STYXL1: variants seen among roughly 807,000 people sequenced by gnomAD.
STYXL1 encodes the protein serine/threonine/tyrosine-interacting-like protein 1.
In STYXL1, 32 loss-of-function variants were observed where a neutral mutation model predicts 36.4. The observed-to-expected ratio is 0.88, with a 90% CI of 0.66 to 1.18. The LOEUF (loss-of-function observed/expected upper bound fraction) is 1.18. Among genes scored for constraint, STYXL1 ranks in the 50% most tolerant of loss-of-function variants. The pLI is 0.00. For missense variants in STYXL1, 354 were observed against 394.1 expected (o/e 0.90, Z 0.86); for synonymous variants, 133 against 144.1 (o/e 0.92, Z 0.55).
chr7:76,024,037 TA>T (rs1478814340), intron 3 of STYXL1, among the ~76,000 whole-genome samples: 1 of 151,846 alleles, frequency 6.6e-6, no homozygotes, highest in African/African-American at 2.4e-5. Flanking sequence ...CACCACCACT[TA>T]AAAAGAAGGC....
chr7:75,999,627 T>G (rs1169130595), intron 8 of STYXL1, among the ~76,000 whole-genome samples: 4 of 151,670 alleles, frequency 2.6e-5, no homozygotes, highest in African/African-American at 7.3e-5. Flanking sequence ...AGCTCACTGC[T>G]GCCTCTGCCT....
intron 5 of STYXL1, among the ~76,000 whole-genome samples, chr7:76,008,739 C>T (rs1458322619): frequency 6.6e-6 from 1 of 152,198 alleles, no homozygotes; most frequent in African/African-American, 2.4e-5. Flanking sequence ...GGCATGGTGG[C>T]TGATGCTTGT....
At chr7:76,018,634 T>TCC (rs1371345286) in intron 4 of STYXL1, among the ~76,000 whole-genome samples, 11 of 152,260 alleles carry the variant, frequency 7.2e-5, no homozygotes, top group African/African-American at 2.4e-4. Context: ...CAGGTGATCC[T>TCC]CCCGCCTTGG....
At chr7:76,042,390 CTTTTTTTTTTTT>C (rs528469396) in intron 1 of STYXL1, among the ~76,000 whole-genome samples, 22 of 41,836 alleles carry the variant, frequency 5.3e-4, no homozygotes, top group East Asian at 2.7e-3. Context: ...CCCTTATGTG[CTTTTTTTTTTTT>C]TTTTTTTTTT....
intron 5 of STYXL1, among the ~76,000 whole-genome samples, chr7:76,008,903 G>A (rs868977725): frequency 1.3e-5 from 2 of 152,208 alleles, no homozygotes; most frequent in Middle Eastern, 3.4e-3. Flanking sequence ...TCTGGAGGCT[G>A]AGGCAGGAGA....
intron 7 of STYXL1, among the ~76,000 whole-genome samples, chr7:76,003,318 C>T (rs1221800911): frequency 6.6e-6 from 1 of 152,228 alleles, no homozygotes. Context: ...GAAGTCAGAA[C>T]TGAAAGAGCT....
intron 4 of STYXL1, among the ~76,000 whole-genome samples, chr7:76,019,704 T>C (rs1164894972): frequency 3.3e-5 from 5 of 151,848 alleles, no homozygotes; most frequent in Non-Finnish European, 7.4e-5. Flanking sequence ...AGAGATGGCA[T>C]TGACAGGAAG....
At chr7:76,031,431 T>C (rs1291614965) in intron 1 of STYXL1, among the ~76,000 whole-genome samples, 3 of 151,204 alleles carry the variant, frequency 2.0e-5, no homozygotes, top group Non-Finnish European at 4.4e-5. Context: ...AAATGTATAG[T>C]TGGCTGGGCG....
intron 1 of STYXL1, among the ~76,000 whole-genome samples, chr7:76,033,000 A>G (rs1277144226): frequency 6.6e-6 from 1 of 152,124 alleles, no homozygotes; most frequent in African/African-American, 2.4e-5. Context: ...AAGGATCCCG[A>G]CAGTCATTGT....
intron 5 of STYXL1, among the ~76,000 whole-genome samples, chr7:76,011,742 T>A (rs1554572271): frequency 6.6e-6 from 1 of 152,192 alleles, no homozygotes; most frequent in East Asian, 1.9e-4. Flanking sequence ...CTTAGACAAC[T>A]CCACCCAGTT....
In STYXL1 at chr7:76,047,830, T is replaced by C. The variant is rs1797341484; in HGVS notation, c.-173A>G. ...GCCCCACCTGGAAAAATGGCTCCTC[T>C]AAGGCGCTTCCAGCCTAAAGCCCGT... On this transcript the variant is annotated 5_prime_UTR_variant, in exon 1 of 9. Transcript: ENST00000359697. The C allele has an allele frequency of 8.9e-6, 10 of 1,124,972 alleles. No individual in the cohort carries two copies. The South Asian group carries it at 1.6e-4, about 18-fold the overall frequency. The allele number at this position is 1,124,972 out of a possible 1,614,324, so 69.7% of individuals were successfully genotyped here.
rs1376397880 is a variant in STYXL1, at chr7:76,037,119, G to A, written c.-4-6592C>T. Among the ~76,000 whole-genome samples the A allele has an allele frequency of 2.7e-5, 4 of 149,960 alleles. 1 individual carries two copies. Among genetic ancestry groups the A allele is most frequent in the African/African-American group, 9.7e-5 (4 of 41,084 alleles). Reference sequence around the variant, plus strand: ...AAGAGACCCTTGGTGGGGTGTGGTAGCTCACACCTGTAATCTCTGCATTTT... The same window carrying A: ...AAGAGACCCTTGGTGGGGTGTGGTAACTCACACCTGTAATCTCTGCATTTT... On this transcript the variant is annotated intron_variant, in intron 1 of 8. Transcript: ENST00000359697.
chr7:76,030,782 CG>C (rs1795241206), intron 1 of STYXL1, among the ~76,000 whole-genome samples: 1 of 139,234 alleles, frequency 7.2e-6, no homozygotes, highest in South Asian at 2.4e-4. Context: ...GAGGCCGAGG[CG>C]GGTGGATCAC....
chr7:76,001,025 G>A, intron 7 of STYXL1, 23 bp from the exon 8 acceptor site: 1 of 1,589,538 alleles, frequency 6.3e-7, no homozygotes, highest in Non-Finnish European at 8.6e-7. Context: ...GTGGGGGGTT[G>A]GGTCATGCCT....
chr7:76,006,155 T>G (rs1419350713), intron 5 of STYXL1, among the ~76,000 whole-genome samples: 5 of 152,098 alleles, frequency 3.3e-5, no homozygotes, highest in Non-Finnish European at 5.9e-5. Flanking sequence ...CGCTGCAGTC[T>G]TATCTTCCTG....
intron 1 of STYXL1, among the ~76,000 whole-genome samples, chr7:76,036,945 C>T (rs192091475): frequency 1.3e-5 from 2 of 148,840 alleles, no homozygotes; most frequent in African/African-American, 4.9e-5. Context: ...CCACCACACC[C>T]GGCTAATTTT....
At chr7:76,016,276 A>G (rs1793314112) in intron 4 of STYXL1, among the ~76,000 whole-genome samples, 1 of 151,764 alleles carries the variant, frequency 6.6e-6, no homozygotes, top group Non-Finnish European at 1.5e-5. Flanking sequence ...GTATGTGTGT[A>G]TATATGTATA....
At chr7:76,021,513 C>G (rs978780885) in intron 4 of STYXL1, among the ~76,000 whole-genome samples, 2 of 152,160 alleles carry the variant, frequency 1.3e-5, no homozygotes, top group Non-Finnish European at 2.9e-5. Flanking sequence ...TGACGGGCCC[C>G]ACAGGAGCTG....
intron 4 of STYXL1, among the ~76,000 whole-genome samples, chr7:76,014,255 G>A (rs541198687): frequency 4.8e-4 from 73 of 152,226 alleles, no homozygotes; most frequent in African/African-American, 1.6e-3. Context: ...GATTACAGGC[G>A]TGAGCCACCA....
Sources: gnomAD v4.1 joint callset for allele counts (sites outside exome capture counted in the v4.1 genomes callset) on GRCh38, gnomAD v4.1.1 for gene constraint, MANE v1.5 for transcripts, NCBI Gene and HGNC (gene_info 2026-07-23, HGNC 2026-07-21) for gene names.